GPR26: variants seen among roughly 807,000 people sequenced by gnomAD.
GPR26 encodes G protein-coupled receptor 26.
A neutral mutation model predicts 23.1 loss-of-function variants in GPR26; 15 were observed. That is an observed-to-expected ratio of 0.65 (90% CI 0.43 to 1.00). The LOEUF (loss-of-function observed/expected upper bound fraction) is 1.00, where lower values mean the gene tolerates loss of function less well. Ranked by LOEUF, GPR26 falls within the 50% of genes least tolerant of loss-of-function variation. The pLI, the probability that GPR26 is intolerant of heterozygous loss-of-function variation, is 0.00. For synonymous variants in GPR26, 228 were observed against 222.1 expected, an observed-to-expected ratio of 1.03 and a Z score of -0.24; for missense variants, 359 against 470.5, an observed-to-expected ratio of 0.76 and a Z score of 2.19.
At position 123,696,971 on chromosome 10, in the gene GPR26, ATGTT is replaced by A. The variant is rs1845552333; in HGVS notation, c.*8815_*8818del. ...CCCGTGATTATATGCATATGGGTGA[ATGTT>A]TGTGTGCCCGTGATTATATGCATGT... On this transcript the variant is annotated 3_prime_UTR_variant, in exon 3 of 3. Transcript: ENST00000284674. Among the ~76,000 whole-genome samples the A allele has an allele frequency of 6.6e-6, 1 of 152,226 alleles. No individual in the cohort carries two copies. Among genetic ancestry groups the A allele is most frequent in the South Asian group, 2.1e-4 (1 of 4,830 alleles).
rs763740348 is a variant in GPR26, at chr10:123,666,650, G to A, written c.243G>A (p.Leu81=). ...CGGCGGGCGACCGCCTGTGCCGCCT[G>A]GCTGCCTTCCTCGACACCTTCCTGG... ...RQPAGDRLCR[L]AAFLDTFLAA... Residue 81 remains leucine (L), a synonymous_variant, in exon 1 of 3, where the codon CTG becomes CTA. Transcript: ENST00000284674. 6.3e-7 allele frequency: 1 copy of A among 1,597,340 alleles called. No homozygotes were observed. The highest frequency in any genetic ancestry group is 8.5e-7 in the Non-Finnish European group (1 of 1,176,420).
At position 123,666,833 on chromosome 10, in the gene GPR26, C is replaced by A; in HGVS notation, c.426C>A (p.Leu142=). The part of the protein sequence containing the change: ...LHALTFPAAA[L]ALSWLGFHQL... ...CGCTCACCTTCCCAGCCGCCGCGCTCGCCCTGTCCTGGCTCGGCTTCCACC... is the reference window on the plus strand; with the variant it reads ...CGCTCACCTTCCCAGCCGCCGCGCTAGCCCTGTCCTGGCTCGGCTTCCACC... Residue 142 remains leucine (L), a synonymous_variant, in exon 1 of 3, where the codon CTC becomes CTA. Coordinates refer to ENST00000284674, the MANE Select transcript of GPR26 (RefSeq NM_153442.4). The A allele has an allele frequency of 1.2e-6, 2 of 1,610,128 alleles. No homozygotes were observed. The highest frequency in any genetic ancestry group is 1.7e-6 in the Non-Finnish European group (2 of 1,178,558).
Position 123,666,980 on chromosome 10 carries a change from G to A in GPR26, c.573G>A (p.Thr191=), listed in dbSNP as rs778655084. ...FLLSFVVLCC[T]YLKVLKVARF... ...TCTCCTTCGTCGTGCTCTGCTGCAC[G>A]TACCTCAAGGTGCTCAAGGTGGCCC... is the stretch of plus-strand genomic sequence containing the variant. The change falls in exon 1 of 3, where the codon ACG becomes ACA. Residue 191 remains threonine, a synonymous_variant. Coordinates refer to ENST00000284674, the MANE Select transcript of GPR26 (RefSeq NM_153442.4). 14 of 1,613,488 alleles carry A rather than the reference G, an allele frequency of 8.7e-6. No individual in the cohort carries two copies. The East Asian group carries it at 2.9e-4, about 33-fold the overall frequency.
rs910167592 is a variant in GPR26, at chr10:123,689,976, C to T, written c.*1816C>T. The T allele has an allele frequency of 2.0e-5, 3 of 152,098 alleles. No individual in the cohort carries two copies. The highest frequency in any genetic ancestry group is 7.2e-5 in the African/African-American group (3 of 41,412). The allele number at this position is 152,098 out of a possible 1,614,324, so 9.4% of individuals were successfully genotyped here. On this transcript the variant is annotated 3_prime_UTR_variant, in exon 3 of 3. Coordinates refer to ENST00000284674, the MANE Select transcript of GPR26 (RefSeq NM_153442.4). ...GGGGCATCATGTCGGTAGCTGAAGTCAGCCACGGTGGGAGTGTTTATACCA... is the reference window on the plus strand; with the variant it reads ...GGGGCATCATGTCGGTAGCTGAAGTTAGCCACGGTGGGAGTGTTTATACCA...
rs1283039752 is a variant in GPR26, at chr10:123,695,575, T to C, written c.*7415T>C. ...GATGTCGGGGGAGCATTGGATGCCA[T>C]CACGTTGACACTCAATTGATTGGGT... is the stretch of plus-strand genomic sequence containing the variant. On this transcript the variant is annotated 3_prime_UTR_variant, in exon 3 of 3. Coordinates refer to ENST00000284674, the MANE Select transcript of GPR26 (RefSeq NM_153442.4). 1.3e-5 allele frequency among the ~76,000 whole-genome samples: 2 copies of C among 152,118 alleles called. No homozygotes were observed. The highest frequency in any genetic ancestry group is 2.9e-5 in the Non-Finnish European group (2 of 68,024).
At chr10:123,675,858 G>C (rs1243237707) in intron 2 of GPR26, among the ~76,000 whole-genome samples, 1 of 138,454 alleles carries the variant, frequency 7.2e-6, no homozygotes, top group Non-Finnish European at 1.6e-5. Context: ...GTGTGTGTAA[G>C]AGAGAGAGAG....
Position 123,674,750 on chromosome 10 carries a change from A to C in GPR26, c.669-68A>C. The C allele has an allele frequency of 1.0e-6, 1 of 990,342 alleles. No homozygotes were observed. The highest frequency in any genetic ancestry group is 1.6e-6 in the Non-Finnish European group (1 of 634,236). 61.3% of individuals were successfully genotyped at this position (990,342 alleles called of 1,614,324 possible). A position where few individuals can be genotyped will look rare whatever the true frequency, so the allele number is the denominator to read the frequency against. The stretch of plus-strand genomic sequence containing the variant: ...ACTAGAGACTGCTGCCTGTGTTAGT[A>C]AATAGTGCCTCATCCTGACCTAGCA... On this transcript the variant is annotated intron_variant, in intron 1 of 2. Transcript: ENST00000284674. This position sits in a 1 kb window ranked among gnomAD's most constrained non-coding sequence, Gnocchi z 4.1.
intron 1 of GPR26, among the ~76,000 whole-genome samples, chr10:123,668,374 C>T (rs576394138): frequency 3.0e-4 from 46 of 152,308 alleles, no homozygotes; most frequent in Non-Finnish European, 4.7e-4. Context: ...ACCAATCTTC[C>T]AGCCACAGAA....
intron 2 of GPR26, among the ~76,000 whole-genome samples, chr10:123,684,367 T>C (rs766070681): frequency 7.2e-5 from 11 of 152,128 alleles, no homozygotes; most frequent in Non-Finnish European, 1.6e-4. Context: ...TGGTTGATGC[T>C]GTTATGGCCA....
At chr10:123,685,877 T>C (rs1267907701) in intron 2 of GPR26, among the ~76,000 whole-genome samples, 2 of 152,218 alleles carry the variant, frequency 1.3e-5, no homozygotes, top group African/African-American at 4.8e-5. Context: ...GTGGGAATAA[T>C]GATTCTCATT....
chr10:123,685,699 C>T (rs1219820), intron 2 of GPR26, among the ~76,000 whole-genome samples: 2,669 of 152,322 alleles, frequency 0.018, 32 homozygotes, highest in Non-Finnish European at 0.026. Flanking sequence ...TTCTTGGAGC[C>T]GGAAGGGACC....
In GPR26 at chr10:123,666,394, G is replaced by C; in HGVS notation, c.-14G>C. On this transcript the variant is annotated 5_prime_UTR_variant, in exon 1 of 3. Coordinates refer to ENST00000284674, the MANE Select transcript of GPR26 (RefSeq NM_153442.4). Reference sequence around the variant, plus strand: ...CGGGTTGCGGACCCTGAGCGCCGGCGCGGGGCGCGCACCATGAACTCGTGG... The same window carrying C: ...CGGGTTGCGGACCCTGAGCGCCGGCCCGGGGCGCGCACCATGAACTCGTGG... 7.3e-7 allele frequency: 1 copy of C among 1,374,300 alleles called. No homozygotes were observed. The highest frequency in any genetic ancestry group is 9.3e-7 in the Non-Finnish European group (1 of 1,072,022). 85.1% of individuals were successfully genotyped at this position (1,374,300 alleles called of 1,614,324 possible).
chr10:123,686,054 A>G (rs1348095884), intron 2 of GPR26, among the ~76,000 whole-genome samples: 1 of 152,226 alleles, frequency 6.6e-6, no homozygotes, highest in Non-Finnish European at 1.5e-5. Flanking sequence ...CTAAATGGTG[A>G]AATTTTAGAT....
chr10:123,677,762 T>G (rs1845326003), intron 2 of GPR26, among the ~76,000 whole-genome samples: 1 of 152,154 alleles, frequency 6.6e-6, no homozygotes, highest in Non-Finnish European at 1.5e-5. Context: ...TGGGCCTGGC[T>G]GTTCAGGGCA....
rs1308508721 is a variant in GPR26 at position 123,666,763 on chromosome 10, G to A, written c.356G>A (p.Arg119His). Residue 119 changes from arginine to histidine, a missense_variant, in exon 1 of 3, where the codon CGC becomes CAC. Transcript: ENST00000284674. ...VFPLSYRAKM[R>H]LRDAALMVAY... is the part of the protein sequence containing the mutation. ...CCGCTGAGCTACCGGGCCAAGATGC[G>A]CCTCCGCGACGCGGCGCTCATGGTG... 1.2e-6 allele frequency: 2 copies of A among 1,601,688 alleles called. No homozygotes were observed. Among genetic ancestry groups the A allele is most frequent in the Non-Finnish European group, 1.7e-6 (2 of 1,177,418 alleles).
intron 2 of GPR26, among the ~76,000 whole-genome samples, chr10:123,680,923 TC>T (rs1188213055): frequency 6.6e-6 from 1 of 151,072 alleles, no homozygotes; most frequent in East Asian, 2.0e-4. Context: ...CACTGCAACG[TC>T]CATTTCCCTG....
intron 1 of GPR26, among the ~76,000 whole-genome samples, chr10:123,668,816 G>T (rs1845218028): frequency 1.3e-5 from 2 of 152,218 alleles, no homozygotes; most frequent in Non-Finnish European, 2.9e-5. Flanking sequence ...AGCGGAGGAG[G>T]GTTGAGCTGG....
chr10:123,687,804 C>T, intron 2 of GPR26, 125 bp from the exon 3 acceptor site: 1 of 637,202 alleles, frequency 1.6e-6, no homozygotes, highest in Non-Finnish European at 2.8e-6. Context: ...AGGAGGCAGT[C>T]TCAGATAAAT....
chr10:123,675,279 C>T (rs574004273), intron 2 of GPR26, among the ~76,000 whole-genome samples: 1 of 152,110 alleles, frequency 6.6e-6, no homozygotes, highest in Non-Finnish European at 1.5e-5. Flanking sequence ...TCCCCAAAAC[C>T]CAGCTCCCCA....
Sources: allele counts gnomAD v4.1 joint callset (sites outside exome capture counted in the v4.1 genomes callset), GRCh38; gene constraint gnomAD v4.1.1; non-coding constraint Gnocchi (gnomAD v3.1); transcripts MANE v1.5; gene names NCBI Gene and HGNC (gene_info 2026-07-23, HGNC 2026-07-21).